The following SLC71A1 variants were observed in gnomAD, a reference collection of about 807,000 sequenced individuals.
SLC71A1 encodes hippocampus abundant gene transcript 1.
the SLC71A1 span, among the ~76,000 whole-genome samples, chr1:100,071,873 A>C: frequency 3.7e-3 from 564 of 152,288 alleles, 3 homozygotes; most frequent in African/African-American, 0.013. Context: ...AGAATCTGGC[A>C]GGGCAGACAG....
the SLC71A1 span, among the ~76,000 whole-genome samples, chr1:100,065,295 A>G: frequency 6.6e-6 from 1 of 152,208 alleles, no homozygotes. Flanking sequence ...TTGACCTTTG[A>G]AAATTGAATT....
chr1:100,061,546 A>G, the SLC71A1 span, among the ~76,000 whole-genome samples: 7 of 152,172 alleles, frequency 4.6e-5, no homozygotes, highest in African/African-American at 7.2e-5. Context: ...TTGGCAGAAA[A>G]AGCAAAATCA....
At chr1:100,081,667 C>T in the SLC71A1 span, among the ~76,000 whole-genome samples, 14 of 152,300 alleles carry the variant, frequency 9.2e-5, no homozygotes, top group African/African-American at 2.6e-4. Flanking sequence ...TGAGCCAACA[C>T]GTGCAGCCTG....
the SLC71A1 span, chr1:100,080,794 G>T: frequency 1.3e-6 from 1 of 769,252 alleles, no homozygotes; most frequent in East Asian, 2.6e-5. Context: ...AGAGTTTAAG[G>T]GACTGTGTTC....
the SLC71A1 span, among the ~76,000 whole-genome samples, chr1:100,053,680 G>A: frequency 3.1e-4 from 47 of 152,134 alleles, no homozygotes; most frequent in African/African-American, 1.1e-3. Context: ...AAACTAATGT[G>A]ACATTTTAAG....
At chr1:100,046,219 T>G in the SLC71A1 span, among the ~76,000 whole-genome samples, 8 of 81,648 alleles carry the variant, frequency 9.8e-5, no homozygotes, top group African/African-American at 3.1e-4. Flanking sequence ...CTCGTTTTTT[T>G]TTTTTTTTTT....
the SLC71A1 span, among the ~76,000 whole-genome samples, chr1:100,045,437 G>T: frequency 6.6e-6 from 1 of 152,134 alleles, no homozygotes; most frequent in East Asian, 1.9e-4. Context: ...CATATCATTG[G>T]CAAACAGTGG....
At chr1:100,045,991 T>G in the SLC71A1 span, among the ~76,000 whole-genome samples, 9 of 152,110 alleles carry the variant, frequency 5.9e-5, no homozygotes, top group Admixed American at 1.3e-4. Flanking sequence ...TATATGGATA[T>G]CCACTTTTCC....
the SLC71A1 span, chr1:100,038,099 G>T: frequency 5.4e-6 from 4 of 736,180 alleles, no homozygotes; most frequent in Non-Finnish European, 9.3e-6. Flanking sequence ...GCCGCCGGAG[G>T]CAGGCCGGGC....
chr1:100,080,334 T>C, the SLC71A1 span: 1 of 598,170 alleles, frequency 1.7e-6, no homozygotes, highest in Middle Eastern at 4.6e-4. Context: ...GTAGAGCTGA[T>C]AGCTTCTAAA....
the SLC71A1 span, among the ~76,000 whole-genome samples, chr1:100,051,530 T>G: frequency 1.2e-3 from 175 of 152,166 alleles, 1 homozygote; most frequent in East Asian, 1.9e-4. Flanking sequence ...ATTTCCTGGC[T>G]TCATAATCCA....
the SLC71A1 span, among the ~76,000 whole-genome samples, chr1:100,055,006 T>C: frequency 6.6e-6 from 1 of 152,206 alleles, no homozygotes; most frequent in African/African-American, 2.4e-5. Flanking sequence ...GTATAAAATA[T>C]GAATATTGGA....
At chr1:100,081,168 ATGTT>A in the SLC71A1 span, among the ~76,000 whole-genome samples, 1 of 152,342 alleles carries the variant, frequency 6.6e-6, no homozygotes, top group East Asian at 1.9e-4. Flanking sequence ...AAATAAAAGA[ATGTT>A]TGTGGGCTAT....
the SLC71A1 span, chr1:100,068,165 C>T: frequency 1.9e-6 from 3 of 1,613,952 alleles, no homozygotes; most frequent in Non-Finnish European, 2.5e-6. Context: ...GGGGAGCACC[C>T]ATTTCCTGGG....
chr1:100,061,481 TGTG>T, the SLC71A1 span, among the ~76,000 whole-genome samples: 2 of 152,202 alleles, frequency 1.3e-5, no homozygotes, highest in East Asian at 1.9e-4. Flanking sequence ...TATCTAGTGT[TGTG>T]GTGAAAAACA....
At chr1:100,080,566 C>T in the SLC71A1 span, 1 of 1,613,650 alleles carries the variant, frequency 6.2e-7, no homozygotes, top group Admixed American at 1.7e-5. Context: ...TCTATGGATT[C>T]ATTTTCTACA....
chr1:100,068,296 T>A, the SLC71A1 span: 1 of 1,043,618 alleles, frequency 9.6e-7, no homozygotes, highest in Non-Finnish European at 1.4e-6. Flanking sequence ...ACATCTTGGG[T>A]TTTTCTTTTA....
the SLC71A1 span, among the ~76,000 whole-genome samples, chr1:100,043,569 A>G: frequency 1.3e-5 from 2 of 152,100 alleles, no homozygotes; most frequent in Non-Finnish European, 2.9e-5. Context: ...AAAATTTATT[A>G]TTTTTTAAAA....
the SLC71A1 span, among the ~76,000 whole-genome samples, chr1:100,075,047 TACTG>T: frequency 6.6e-6 from 1 of 152,230 alleles, no homozygotes; most frequent in African/African-American, 2.4e-5. Flanking sequence ...GATAAGTACT[TACTG>T]GCTAGATGGG....
Sources: allele counts gnomAD v4.1 joint callset (sites outside exome capture counted in the v4.1 genomes callset), GRCh38; gene constraint gnomAD v4.1.1; transcripts MANE v1.5; gene names NCBI Gene and HGNC (gene_info 2026-07-23, HGNC 2026-07-21).